NADSYN1: variants seen among roughly 807,000 people sequenced by gnomAD.
The protein encoded by NADSYN1 is NAD synthetase 1, also known as glutamine-dependent NAD(+) synthetase.
Under a neutral mutation model 99.3 loss-of-function variants are expected in NADSYN1, and 80 were observed. The ratio of observed to expected loss-of-function variants is 0.81; its 90% CI spans 0.67 to 0.97. NADSYN1 has a LOEUF of 0.97. Among genes scored for constraint, NADSYN1 ranks in the 50% least tolerant of loss-of-function variants. The pLI, the probability that NADSYN1 is intolerant of heterozygous loss-of-function variation, is 0.00. For synonymous variants in NADSYN1, 385 were observed against 372.1 expected (o/e 1.03, Z -0.40); for missense variants, 859 against 948.5 (o/e 0.91, Z 1.24).
intron 20 of NADSYN1, 142 bp from the exon 21 acceptor site, chr11:71,501,160 C>A: frequency 1.4e-6 from 1 of 728,578 alleles, no homozygotes; most frequent in Non-Finnish European, 2.1e-6. Context: ...TTCCAGCACA[C>A]ACGCCCAGCA....
chr11:71,455,334 A>G, intron 2 of NADSYN1, 164 bp downstream of exon 2: 2 of 570,088 alleles, frequency 3.5e-6, no homozygotes, highest in East Asian at 2.9e-5. Context: ...GAGCAAGGGC[A>G]GGCCCAGGGA....
intron 4 of NADSYN1, 50 bp downstream of exon 4, chr11:71,463,535 C>A: frequency 1.3e-6 from 2 of 1,565,436 alleles, no homozygotes; most frequent in Non-Finnish European, 1.8e-6. Flanking sequence ...CTCTCCCTGG[C>A]TCTCAGCTGA....
intron 6 of NADSYN1, among the ~76,000 whole-genome samples, chr11:71,472,942 A>G (rs1404415302): frequency 2.0e-5 from 3 of 152,222 alleles, no homozygotes. Context: ...TCATCAGCAC[A>G]GGGCAGCAGC....
At chr11:71,468,583 T>C (rs1359412948) in intron 5 of NADSYN1, among the ~76,000 whole-genome samples, 1 of 152,144 alleles carries the variant, frequency 6.6e-6, no homozygotes, top group Non-Finnish European at 1.5e-5. Flanking sequence ...AAAGCATAAA[T>C]GGAAGTGAGT....
At chr11:71,493,226 C>G (rs190716694) in intron 18 of NADSYN1, among the ~76,000 whole-genome samples, 1 of 152,068 alleles carries the variant, frequency 6.6e-6, no homozygotes, top group African/African-American at 2.4e-5. Context: ...TTTTCTAGTT[C>G]TCAGAATTTA....
At chr11:71,484,623 T>C (rs1297063852) in intron 15 of NADSYN1, 176 bp downstream of exon 15, 4 of 908,156 alleles carry the variant, frequency 4.4e-6, no homozygotes, top group Non-Finnish European at 6.4e-6. Flanking sequence ...ACTGAAGACG[T>C]CGGTCATGCA....
chr11:71,454,611 C>A (rs1218663718), intron 1 of NADSYN1, among the ~76,000 whole-genome samples: 1 of 152,096 alleles, frequency 6.6e-6, no homozygotes, highest in African/African-American at 2.4e-5. Flanking sequence ...ACTAAGTTTC[C>A]ACTCTGCCAG....
rs186230225 is a variant in NADSYN1, at chr11:71,493,452, T to G, written c.1764+1549T>G. ...TTTAGTAACCTCCTTAAGATTCCGA[T>G]TTACAAGGACATGCCATCGCAGCTG... On this transcript the variant is annotated intron_variant, in intron 18 of 20. Coordinates refer to ENST00000319023, the MANE Select transcript of NADSYN1 (RefSeq NM_018161.5). Among the ~76,000 whole-genome samples, 336 of 152,246 alleles carry G rather than the reference T, an allele frequency of 2.2e-3. 1 individual carries two copies. Among genetic ancestry groups the G allele is most frequent in the African/African-American group, 7.6e-3 (316 of 41,530 alleles).
intron 9 of NADSYN1, chr11:71,476,909 C>A: frequency 1.0e-6 from 1 of 987,668 alleles, no homozygotes; most frequent in Non-Finnish European, 1.2e-6. Flanking sequence ...GGAGCCGTTG[C>A]CTTACACGTC....
chr11:71,486,357 A>G (rs1016348721), intron 16 of NADSYN1, among the ~76,000 whole-genome samples: 24 of 151,982 alleles, frequency 1.6e-4, no homozygotes, highest in African/African-American at 4.8e-4. Flanking sequence ...CTATCCATCT[A>G]TGTATCCACC....
chr11:71,464,678 T>G (rs1949575391), intron 5 of NADSYN1, among the ~76,000 whole-genome samples: 1 of 151,962 alleles, frequency 6.6e-6, no homozygotes, highest in African/African-American at 2.4e-5. Context: ...CCATCCTGGC[T>G]AACACGGTGA....
intron 18 of NADSYN1, among the ~76,000 whole-genome samples, chr11:71,492,748 G>C (rs1453013883): frequency 1.3e-5 from 2 of 152,186 alleles, no homozygotes; most frequent in African/African-American, 4.8e-5. Context: ...AGAAAAAAAA[G>C]CTTTTGCGTT....
At chr11:71,461,567 T>C (rs1012056748) in intron 3 of NADSYN1, among the ~76,000 whole-genome samples, 1 of 152,182 alleles carries the variant, frequency 6.6e-6, no homozygotes, top group African/African-American at 2.4e-5. Flanking sequence ...TAGCTGGGAC[T>C]ACAGGCATGC....
chr11:71,497,181 ACT>A lies in NADSYN1; in HGVS notation c.1765-299_1765-298del, dbSNP rs1591137768. On this transcript the variant is annotated intron_variant, in intron 18 of 20. Coordinates refer to ENST00000319023, the MANE Select transcript of NADSYN1 (RefSeq NM_018161.5). Reference sequence around the variant, plus strand: ...GTGTGAGCCACTATGCCCAGCCTACACTCTTTTTCCAAATAAAGTCACATCCC... The same window carrying A: ...GTGTGAGCCACTATGCCCAGCCTACACTTTTTCCAAATAAAGTCACATCCC... The A allele has an allele frequency of 1.3e-5, 5 of 379,988 alleles. No individual in the cohort carries two copies. In the East Asian group the frequency reaches 2.9e-4, roughly 22 times the overall value. The allele number at this position is 379,988 out of a possible 1,614,324, so 23.5% of individuals were successfully genotyped here.
At chr11:71,463,640 A>G (rs1487920016) in intron 4 of NADSYN1, among the ~76,000 whole-genome samples, 155 bp downstream of exon 4, 4 of 152,048 alleles carry the variant, frequency 2.6e-5, no homozygotes, top group Non-Finnish European at 5.9e-5. Flanking sequence ...TGCACCAGGC[A>G]GGTGATCCGG....
At chr11:71,465,213 G>A (rs111259253) in intron 5 of NADSYN1, among the ~76,000 whole-genome samples, 125 of 152,200 alleles carry the variant, frequency 8.2e-4, no homozygotes, top group African/African-American at 2.7e-3. Flanking sequence ...GGGCCACTGC[G>A]GAAGGAGGTC....
chr11:71,501,353 G>C lies in NADSYN1; in HGVS notation c.*1G>C, dbSNP rs377410682. On this transcript the variant is annotated 3_prime_UTR_variant, in exon 21 of 21. Transcript: ENST00000319023. The stretch of plus-strand genomic sequence containing the variant: ...ACAGTCCCTGGACGGCGTGGACTGA[G>C]GCCGGTTCCTTCCTGGAGGCCTCCT... The C allele has an allele frequency of 1.9e-6, 3 of 1,604,480 alleles. No individual in the cohort carries two copies. Among genetic ancestry groups the C allele is most frequent in the African/African-American group, 1.3e-5 (1 of 74,794 alleles).
At chr11:71,466,251 C>G (rs1949588626) in intron 5 of NADSYN1, among the ~76,000 whole-genome samples, 1 of 152,186 alleles carries the variant, frequency 6.6e-6, no homozygotes, top group African/African-American at 2.4e-5. Context: ...AAAGCGCCAT[C>G]TTTTGATCTC....
At position 71,474,518 on chromosome 11, in the gene NADSYN1, G is replaced by A. The variant is rs1009622444; in HGVS notation, c.790G>A (p.Asp264Asn). The change falls in exon 9 of 21, where the codon GAT (aspartate) becomes AAT (asparagine). Residue 264 changes from aspartate (D) to asparagine (N), a missense_variant. Physicochemically the swap from Asp to Asn is conservative, Grantham distance 23 (BLOSUM62 1). Transcript: ENST00000319023. ...TGCTCAAGGATCCCAGTTTTCTCTG[G>A]ATGACGTGGTAATGAGCGGGCCTGG... ...VFAQGSQFSLDDVEVLTATLD... is the reference protein window; with the variant it reads ...VFAQGSQFSLNDVEVLTATLD... 6.2e-7 allele frequency: 1 copy of A among 1,614,206 alleles called. No homozygotes were observed. The highest frequency in any genetic ancestry group is 8.5e-7 in the Non-Finnish European group (1 of 1,180,012).
Sources: gnomAD v4.1 joint callset for allele counts (sites outside exome capture counted in the v4.1 genomes callset) on GRCh38, gnomAD v4.1.1 for gene constraint, MANE v1.5 for transcripts, NCBI Gene and HGNC (gene_info 2026-07-23, HGNC 2026-07-21) for gene names.